The following CASQ2 variants were observed in gnomAD, a reference collection of about 807,000 sequenced individuals.
CASQ2 encodes calsequestrin-2.
A neutral mutation model predicts 46.5 loss-of-function variants in CASQ2; 49 were observed. That is an observed-to-expected ratio of 1.05 (90% CI 0.84 to 1.34). The LOEUF (loss-of-function observed/expected upper bound fraction) is 1.34, where lower values mean the gene tolerates loss of function less well. Among genes scored for constraint, CASQ2 ranks in the 40% most tolerant of loss-of-function variants. The probability of loss-of-function intolerance (pLI) is 0.00; values close to 1 mark genes in which losing one functional copy is unlikely to be tolerated. For synonymous variants in CASQ2, 174 were observed against 168.5 expected (o/e 1.03, Z -0.25); for missense variants, 486 against 481.3 (o/e 1.01, Z -0.09).
chr1:115,734,201 T>C (rs1218436336), intron 4 of CASQ2, among the ~76,000 whole-genome samples: 1 of 152,172 alleles, frequency 6.6e-6, no homozygotes, highest in African/African-American at 2.4e-5. Flanking sequence ...AGGGGAGAAG[T>C]TGGCTGAGAG....
At chr1:115,757,648 C>T (rs1648808400) in intron 1 of CASQ2, among the ~76,000 whole-genome samples, 1 of 152,140 alleles carries the variant, frequency 6.6e-6, no homozygotes, top group African/African-American at 2.4e-5. Context: ...GAACAAGGGT[C>T]AGCCTTATAA....
intron 4 of CASQ2, 56 bp from the exon 5 acceptor site, chr1:115,733,030 ATCT>A (rs1345783019): frequency 2.3e-6 from 3 of 1,280,586 alleles, no homozygotes; most frequent in Non-Finnish European, 3.4e-6. Context: ...ACACAGAAGA[ATCT>A]TCTTTTTAAA....
At chr1:115,760,908 CT>C (rs1648913277) in intron 1 of CASQ2, among the ~76,000 whole-genome samples, 1 of 152,160 alleles carries the variant, frequency 6.6e-6, no homozygotes, top group African/African-American at 2.4e-5. Context: ...TCAGTAGTAA[CT>C]GATGTAACAA....
intron 8 of CASQ2, among the ~76,000 whole-genome samples, chr1:115,716,824 T>C (rs2101067774): frequency 6.6e-6 from 1 of 152,352 alleles, no homozygotes; most frequent in South Asian, 2.1e-4. Flanking sequence ...CAAGACTTGT[T>C]GTCCCTTCTC....
chr1:115,709,093 A>G (rs761479230), intron 8 of CASQ2, among the ~76,000 whole-genome samples: 2 of 152,264 alleles, frequency 1.3e-5, no homozygotes, highest in Admixed American at 6.5e-5. Flanking sequence ...CCTTGAGTGC[A>G]GACCTGTTAA....
At chr1:115,731,261 GCACTTCTACAAA>G (rs1235477371) in intron 5 of CASQ2, among the ~76,000 whole-genome samples, 1 of 152,124 alleles carries the variant, frequency 6.6e-6, no homozygotes, top group Non-Finnish European at 1.5e-5. Context: ...GCACTAGGAG[GCACTTCTACAAA>G]CAAATACTAC....
In CASQ2 at chr1:115,701,315, C is replaced by A. The variant is rs764599645; in HGVS notation, c.1126G>T (p.Asp376Tyr). Residue 376 changes from aspartate (D) to tyrosine (Y), a missense_variant, in exon 11 of 11, where the codon GAT becomes TAT. Physicochemically the swap from Asp to Tyr is radical, Grantham distance 160. Coordinates refer to ENST00000261448, the MANE Select transcript of CASQ2 (RefSeq NM_001232.4). The stretch of plus-strand genomic sequence containing the variant: ...TTATCATCATCATCATCATCTTCAT[C>A]ATCATCTTCAGTGTTTATCTTTCCA... ...LSGKINTEDD[D>Y]EDDDDDDNSD... is the part of the protein sequence containing the mutation. The A allele has an allele frequency of 6.2e-7, 1 of 1,605,040 alleles. No individual in the cohort carries two copies. Among genetic ancestry groups the A allele is most frequent in the African/African-American group, 1.3e-5 (1 of 74,844 alleles).
At chr1:115,702,311 T>C (rs778190899) in intron 10 of CASQ2, among the ~76,000 whole-genome samples, 2 of 152,184 alleles carry the variant, frequency 1.3e-5, no homozygotes, top group Non-Finnish European at 2.9e-5. Flanking sequence ...GTTTGCCTGA[T>C]TGTATCTGTC....
chr1:115,748,476 G>T (rs1481148717), intron 1 of CASQ2, among the ~76,000 whole-genome samples: 1 of 152,050 alleles, frequency 6.6e-6, no homozygotes, highest in Admixed American at 6.5e-5. Flanking sequence ...GGGACTGAGG[G>T]GTGGGAGTGG....
intron 1 of CASQ2, among the ~76,000 whole-genome samples, chr1:115,751,504 T>TAA (rs5777246): frequency 2.1e-4 from 32 of 151,182 alleles, no homozygotes; most frequent in African/African-American, 6.3e-4. Flanking sequence ...CCATCTCTGC[T>TAA]AAAAAAAATA....
chr1:115,748,106 G>A (rs10923353), intron 1 of CASQ2, among the ~76,000 whole-genome samples: 41,559 of 151,792 alleles, frequency 0.27, 6,059 homozygotes, highest in East Asian at 0.43. Context: ...CAGTTCTATT[G>A]TTTGGTCCAG....
chr1:115,717,652 C>T (rs1654746835), intron 8 of CASQ2, among the ~76,000 whole-genome samples, 188 bp downstream of exon 8: 1 of 152,206 alleles, frequency 6.6e-6, no homozygotes, highest in East Asian at 1.9e-4. Context: ...TTGTTCACAC[C>T]TTTTCTTCTC....
Position 115,713,027 on chromosome 1 carries a change from G to A in CASQ2, c.838+4813C>T, listed in dbSNP as rs375303270. On this transcript the variant is annotated intron_variant, in intron 8 of 10. Coordinates refer to ENST00000261448, the MANE Select transcript of CASQ2 (RefSeq NM_001232.4). ...CTTGGATGGAACAGAGCTTGGAGACGTTCCTTCCAGGGCCTGTCACTAATT... is the reference window on the plus strand; with the variant it reads ...CTTGGATGGAACAGAGCTTGGAGACATTCCTTCCAGGGCCTGTCACTAATT... Among the ~76,000 whole-genome samples the A allele has an allele frequency of 8.5e-5, 13 of 152,210 alleles. No individual in the cohort carries two copies. The East Asian group carries it at 1.4e-3, about 16-fold the overall frequency.
In CASQ2 at chr1:115,727,053, C is replaced by A. The variant is rs937969583; in HGVS notation, c.676G>T (p.Ala226Ser). The change falls in exon 6 of 11, where the codon GCC becomes TCC. Residue 226 changes from alanine (A) to serine (S), a missense_variant. Coordinates refer to ENST00000261448, the MANE Select transcript of CASQ2 (RefSeq NM_001232.4). ...TCTGTGTAAGGTTTGTTGGGGATGGCAATGGGCTCATCCATAAATGGCTCA... is the reference window on the plus strand; with the variant it reads ...TCTGTGTAAGGTTTGTTGGGGATGGAAATGGGCTCATCCATAAATGGCTCA... ...FYEPFMDEPI[A>S]IPNKPYTEEE... The A allele has an allele frequency of 5.6e-6, 9 of 1,610,514 alleles. No individual in the cohort carries two copies. Among genetic ancestry groups the A allele is most frequent in the Non-Finnish European group, 7.6e-6 (9 of 1,177,768 alleles).
At chr1:115,707,428 TGACAAACACCGGA>T (rs1654398268) in intron 8 of CASQ2, among the ~76,000 whole-genome samples, 1 of 152,186 alleles carries the variant, frequency 6.6e-6, no homozygotes, top group South Asian at 2.1e-4. Context: ...AATGAGATTA[TGACAAACACCGGA>T]GACTGACAGG....
intron 8 of CASQ2, among the ~76,000 whole-genome samples, chr1:115,709,999 T>C (rs892427087): frequency 2.6e-5 from 4 of 151,712 alleles, no homozygotes; most frequent in African/African-American, 9.7e-5. Context: ...CACACCACCA[T>C]GCAGTTAATT....
chr1:115,705,099 A>T, intron 9 of CASQ2, 93 bp downstream of exon 9: 1 of 864,974 alleles, frequency 1.2e-6, no homozygotes, highest in Non-Finnish European at 2.0e-6. Context: ...GGTTTCTTCA[A>T]GTGCCCCTGC....
intron 2 of CASQ2, among the ~76,000 whole-genome samples, chr1:115,741,681 CT>C (rs1648183503): frequency 3.9e-5 from 6 of 152,322 alleles, no homozygotes; most frequent in Admixed American, 3.9e-4. Flanking sequence ...CTGGTAGATG[CT>C]GCAAGGACAG....
chr1:115,711,803 T>G (rs978049672), intron 8 of CASQ2, among the ~76,000 whole-genome samples: 1 of 152,006 alleles, frequency 6.6e-6, no homozygotes, highest in East Asian at 1.9e-4. Context: ...TACAGGTGCA[T>G]GCTACCATGC....
Sources: allele counts gnomAD v4.1 joint callset (sites outside exome capture counted in the v4.1 genomes callset), GRCh38; gene constraint gnomAD v4.1.1; transcripts MANE v1.5; gene names NCBI Gene and HGNC (gene_info 2026-07-23, HGNC 2026-07-21).